UBL4B: variants seen among roughly 807,000 people sequenced by gnomAD.
UBL4B encodes ubiquitin-like protein 4B.
For synonymous variants in UBL4B, 94 were observed against 92.8 expected, an observed-to-expected ratio of 1.01 and a Z score of -0.08; for missense variants, 194 against 209.9, an observed-to-expected ratio of 0.92 and a Z score of 0.47.
Position 110,113,172 on chromosome 1 carries a change from T to C in UBL4B, c.*113T>C. On this transcript the variant is annotated 3_prime_UTR_variant, in exon 1 of 1. Coordinates refer to ENST00000334179, the MANE Select transcript of UBL4B (RefSeq NM_203412.2). ...GATGTGGATGCGTCCACACCCCTTT[T>C]TGAACCTTCCAAGCAGCTGGAGGGT... is the stretch of plus-strand genomic sequence containing the variant. 1.4e-6 allele frequency: 2 copies of C among 1,410,288 alleles called. No homozygotes were observed. The highest frequency in any genetic ancestry group is 1.9e-6 in the Non-Finnish European group (2 of 1,063,762). The allele number at this position is 1,410,288 out of a possible 1,614,324, so 87.4% of individuals were successfully genotyped here. A position where few individuals can be genotyped will look rare whatever the true frequency, so the allele number is the denominator to read the frequency against.
rs749098038 is a variant in UBL4B, at chr1:110,113,177, C to G, written c.*118C>G. ...GGATGCGTCCACACCCCTTTTTGAA[C>G]CTTCCAAGCAGCTGGAGGGTTTTTG... On this transcript the variant is annotated 3_prime_UTR_variant, in exon 1 of 1. Transcript: ENST00000334179. 3 of 1,396,894 alleles carry G rather than the reference C, an allele frequency of 2.1e-6. No homozygotes were observed. The highest frequency in any genetic ancestry group is 2.9e-6 in the Non-Finnish European group (3 of 1,052,490). 86.5% of individuals were successfully genotyped at this position (1,396,894 alleles called of 1,614,324 possible).
chr1:110,113,131 C>G lies in UBL4B; in HGVS notation c.*72C>G. On this transcript the variant is annotated 3_prime_UTR_variant, in exon 1 of 1. Transcript: ENST00000334179. Reference sequence around the variant, plus strand: ...CCTTACGTGTTCCCTGGTGACTTTTCCTACTACTTCCTGCTGATGTGGATG... The same window carrying G: ...CCTTACGTGTTCCCTGGTGACTTTTGCTACTACTTCCTGCTGATGTGGATG... 6.8e-7 allele frequency: 1 copy of G among 1,475,842 alleles called. No individual in the cohort carries two copies. 91.4% of individuals were successfully genotyped at this position (1,475,842 alleles called of 1,614,324 possible). A position where few individuals can be genotyped will look rare whatever the true frequency, so the allele number is the denominator to read the frequency against.
chr1:110,112,841 G>T lies in UBL4B; in HGVS notation c.307G>T (p.Glu103Ter), dbSNP rs1654827378. 6.2e-7 allele frequency: 1 copy of T among 1,613,616 alleles called. No individual in the cohort carries two copies. The highest frequency in any genetic ancestry group is 1.1e-5 in the South Asian group (1 of 91,082). The part of the protein sequence containing the change: ...QLGLVLAKHF[E>*]PQDAKAVLQL... ...GGGACTGGTCCTAGCTAAACACTTT[G>T]AACCACAGGATGCCAAGGCCGTGCT... The change falls in exon 1 of 1, where the codon GAA becomes TAA. Residue 103 changes from glutamate to a stop codon, truncating the protein, a stop_gained. Transcript: ENST00000334179. LOFTEE classifies it low-confidence loss of function (END_TRUNC).
In UBL4B at chr1:110,113,047, A is replaced by C. The variant is rs1243158636; in HGVS notation, c.513A>C (p.Ala171=). The C allele has an allele frequency of 6.3e-7, 1 of 1,577,260 alleles. No individual in the cohort carries two copies. Among genetic ancestry groups the C allele is most frequent in the Admixed American group, 1.9e-5 (1 of 53,240 alleles). The change falls in exon 1 of 1, where the codon GCA becomes GCC. Residue 171 remains alanine, a synonymous_variant. Coordinates refer to ENST00000334179, the MANE Select transcript of UBL4B (RefSeq NM_203412.2). ...SCDMEEKEEA[A]ADQ is the part of the protein sequence containing the mutation. ...ACATGGAGGAGAAGGAGGAGGCAGC[A>C]GCTGATCAGTAAACGGGCCATCCTA...
At position 110,113,031 on chromosome 1, in the gene UBL4B, A is replaced by G. The variant is rs1282627916; in HGVS notation, c.497A>G (p.Glu166Gly). ...ARPQSSCDME[E>G]KEEAAADQ ...CCTCAGAGCTCCTGTGACATGGAGG[A>G]GAAGGAGGAGGCAGCAGCTGATCAG... Residue 166 changes from glutamate (E) to glycine (G), a missense_variant, in exon 1 of 1, where the codon GAG becomes GGG. Transcript: ENST00000334179. The G allele has an allele frequency of 1.3e-6, 2 of 1,589,502 alleles. No homozygotes were observed. Among genetic ancestry groups the G allele is most frequent in the Admixed American group, 3.6e-5 (2 of 55,056 alleles).
At position 110,113,830 on chromosome 1, in the gene UBL4B, G is replaced by T. The variant is rs148862862; in HGVS notation, c.*771G>T. The T allele has an allele frequency of 6.0e-6, 1 of 167,110 alleles. No homozygotes were observed. Among genetic ancestry groups the T allele is most frequent in the African/African-American group, 2.4e-5 (1 of 41,464 alleles). 10.4% of individuals were successfully genotyped at this position (167,110 alleles called of 1,614,324 possible). On this transcript the variant is annotated 3_prime_UTR_variant, in exon 1 of 1. Coordinates refer to ENST00000334179, the MANE Select transcript of UBL4B (RefSeq NM_203412.2). ...CATTACCTGCCCAGCGCTGCCCAAG[G>T]CTCCCTGGAAGGAAAAATGGTATCT...
Position 110,113,101 on chromosome 1 carries a change from C to T in UBL4B, c.*42C>T, listed in dbSNP as rs1481072803. On this transcript the variant is annotated 3_prime_UTR_variant, in exon 1 of 1. Transcript: ENST00000334179. ...ATTTGCATGCTAAAATTCTCCCGGC[C>T]TCATCCTTACGTGTTCCCTGGTGAC... is the stretch of plus-strand genomic sequence containing the variant. 1 of 1,514,084 alleles carries T rather than the reference C, an allele frequency of 6.6e-7. No individual in the cohort carries two copies. Among genetic ancestry groups the T allele is most frequent in the Non-Finnish European group, 8.8e-7 (1 of 1,134,120 alleles). 93.8% of individuals were successfully genotyped at this position (1,514,084 alleles called of 1,614,324 possible). A position where few individuals can be genotyped will look rare whatever the true frequency, so the allele number is the denominator to read the frequency against.
chr1:110,112,620 T>C lies in UBL4B; in HGVS notation c.86T>C (p.Leu29Pro). The C allele has an allele frequency of 1.2e-6, 2 of 1,614,192 alleles. No homozygotes were observed. Among genetic ancestry groups the C allele is most frequent in the Non-Finnish European group, 1.7e-6 (2 of 1,180,038 alleles). Residue 29 changes from leucine (L) to proline (P), a missense_variant, in exon 1 of 1, where the codon CTG (leucine) becomes CCG (proline). Physicochemically the swap from Leu to Pro is moderately conservative, Grantham distance 98. Coordinates refer to ENST00000334179, the MANE Select transcript of UBL4B (RefSeq NM_203412.2). The stretch of plus-strand genomic sequence containing the variant: ...GAGAGTGTAGCCACGCTGAAGAGAC[T>C]GGTGTCCAGGCGGCTGAAGGTGCCT... ...GQESVATLKR[L>P]VSRRLKVPEE...
Position 110,112,853 on chromosome 1 carries a change from G to T in UBL4B, c.319G>T (p.Ala107Ser). The change falls in exon 1 of 1, where the codon GCC (alanine) becomes TCC (serine). Residue 107 changes from alanine to serine, a missense_variant. Physicochemically the swap from Ala to Ser is moderately conservative, Grantham distance 99. Coordinates refer to ENST00000334179, the MANE Select transcript of UBL4B (RefSeq NM_203412.2). ...VLAKHFEPQDAKAVLQLLRQE... is the reference protein window; with the variant it reads ...VLAKHFEPQDSKAVLQLLRQE... ...AGCTAAACACTTTGAACCACAGGAT[G>T]CCAAGGCCGTGCTGCAGCTGCTAAG... 1.2e-6 allele frequency: 2 copies of T among 1,613,704 alleles called. No individual in the cohort carries two copies. The highest frequency in any genetic ancestry group is 8.5e-7 in the Non-Finnish European group (1 of 1,180,030).
rs777459459 is a variant in UBL4B at position 110,113,111 on chromosome 1, C to T, written c.*52C>T. The T allele has an allele frequency of 9.3e-6, 14 of 1,502,540 alleles. No individual in the cohort carries two copies. The highest frequency in any genetic ancestry group is 4.2e-5 in the South Asian group (3 of 72,276). 93.1% of individuals were successfully genotyped at this position (1,502,540 alleles called of 1,614,324 possible). A position where few individuals can be genotyped will look rare whatever the true frequency, so the allele number is the denominator to read the frequency against. On this transcript the variant is annotated 3_prime_UTR_variant, in exon 1 of 1. Transcript: ENST00000334179. Reference sequence around the variant, plus strand: ...TAAAATTCTCCCGGCCTCATCCTTACGTGTTCCCTGGTGACTTTTCCTACT... The same window carrying T: ...TAAAATTCTCCCGGCCTCATCCTTATGTGTTCCCTGGTGACTTTTCCTACT...
Position 110,113,017 on chromosome 1 carries a change from C to T in UBL4B, c.483C>T (p.Ser161=). Residue 161 remains serine, a synonymous_variant, in exon 1 of 1, where the codon TCC becomes TCT. Coordinates refer to ENST00000334179, the MANE Select transcript of UBL4B (RefSeq NM_203412.2). ...AGGCGAAGGCACGGCCTCAGAGCTC[C>T]TGTGACATGGAGGAGAAGGAGGAGG... ...ELEAKARPQS[S]CDMEEKEEAA... is the part of the protein sequence containing the mutation. 6.3e-7 allele frequency: 1 copy of T among 1,599,912 alleles called. No homozygotes were observed. Among genetic ancestry groups the T allele is most frequent in the Non-Finnish European group, 8.5e-7 (1 of 1,174,658 alleles).
chr1:110,113,141 C>T lies in UBL4B; in HGVS notation c.*82C>T. 6.8e-7 allele frequency: 1 copy of T among 1,468,390 alleles called. No individual in the cohort carries two copies. The highest frequency in any genetic ancestry group is 9.0e-7 in the Non-Finnish European group (1 of 1,108,302). The allele number at this position is 1,468,390 out of a possible 1,614,324, so 91.0% of individuals were successfully genotyped here. ...TCCCTGGTGACTTTTCCTACTACTT[C>T]CTGCTGATGTGGATGCGTCCACACC... On this transcript the variant is annotated 3_prime_UTR_variant, in exon 1 of 1. Transcript: ENST00000334179.
rs766295409 is a variant in UBL4B, at chr1:110,112,533, C to T, written c.-2C>T. ...GGATCCCTCCTGATTCCACTCAGCCCGATGTTCCTCACAGTCAAGCTGCTC... is the reference window on the plus strand; with the variant it reads ...GGATCCCTCCTGATTCCACTCAGCCTGATGTTCCTCACAGTCAAGCTGCTC... On this transcript the variant is annotated 5_prime_UTR_variant, in exon 1 of 1. Transcript: ENST00000334179. 8.7e-6 allele frequency: 14 copies of T among 1,602,360 alleles called. No individual in the cohort carries two copies. Among genetic ancestry groups the T allele is most frequent in the African/African-American group, 6.7e-5 (5 of 74,714 alleles).
Position 110,113,443 on chromosome 1 carries a change from A to G in UBL4B, c.*384A>G, listed in dbSNP as rs2101819288. On this transcript the variant is annotated 3_prime_UTR_variant, in exon 1 of 1. Coordinates refer to ENST00000334179, the MANE Select transcript of UBL4B (RefSeq NM_203412.2). Reference sequence around the variant, plus strand: ...CCTCTTTCTCCTTCGGGACAGAAAGACAATGTGAGTTCATTTTCCTCCATC... The same window carrying G: ...CCTCTTTCTCCTTCGGGACAGAAAGGCAATGTGAGTTCATTTTCCTCCATC... 5.0e-6 allele frequency: 1 copy of G among 200,232 alleles called. No individual in the cohort carries two copies. The highest frequency in any genetic ancestry group is 1.6e-4 in the South Asian group (1 of 6,354). 12.4% of individuals were successfully genotyped at this position (200,232 alleles called of 1,614,324 possible).
rs753305223 is a variant in UBL4B at position 110,112,534 on chromosome 1, G to A, written c.-1G>A. On this transcript the variant is annotated 5_prime_UTR_variant, in exon 1 of 1. Coordinates refer to ENST00000334179, the MANE Select transcript of UBL4B (RefSeq NM_203412.2). The stretch of plus-strand genomic sequence containing the variant: ...GATCCCTCCTGATTCCACTCAGCCC[G>A]ATGTTCCTCACAGTCAAGCTGCTCC... 1.2e-5 allele frequency: 19 copies of A among 1,603,638 alleles called. No individual in the cohort carries two copies. The highest frequency in any genetic ancestry group is 8.9e-5 in the East Asian group (4 of 44,746).
chr1:110,112,884 A>T lies in UBL4B; in HGVS notation c.350A>T (p.Glu117Val). Residue 117 changes from glutamate to valine, a missense_variant, in exon 1 of 1, where the codon GAG (glutamate) becomes GTG (valine). Coordinates refer to ENST00000334179, the MANE Select transcript of UBL4B (RefSeq NM_203412.2). ...AKAVLQLLRQ[E>V]HEERLQKISL... is the part of the protein sequence containing the mutation. ...GCCGTGCTGCAGCTGCTAAGGCAGG[A>T]GCACGAGGAGCGCCTGCAGAAGATA... 1 of 1,613,324 alleles carries T rather than the reference A, an allele frequency of 6.2e-7. No homozygotes were observed. The highest frequency in any genetic ancestry group is 8.5e-7 in the Non-Finnish European group (1 of 1,179,940).
Position 110,112,494 on chromosome 1 carries a change from A to G in UBL4B, c.-41A>G. On this transcript the variant is annotated 5_prime_UTR_variant, in exon 1 of 1. Coordinates refer to ENST00000334179, the MANE Select transcript of UBL4B (RefSeq NM_203412.2). ...CGCAGGACCCCCTAATCTTCAGGGCAGCTCCCAGAGCATGGATCCCTCCTG... is the reference window on the plus strand; with the variant it reads ...CGCAGGACCCCCTAATCTTCAGGGCGGCTCCCAGAGCATGGATCCCTCCTG... 1 of 1,560,438 alleles carries G rather than the reference A, an allele frequency of 6.4e-7. No homozygotes were observed. The highest frequency in any genetic ancestry group is 8.7e-7 in the Non-Finnish European group (1 of 1,152,860).
At position 110,113,207 on chromosome 1, in the gene UBL4B, C is replaced by A; in HGVS notation, c.*148C>A. ...CAAGCAGCTGGAGGGTTTTTGGATC[C>A]CTGTCCCCTCTTGGGCCTGAGGTCC... On this transcript the variant is annotated 3_prime_UTR_variant, in exon 1 of 1. Coordinates refer to ENST00000334179, the MANE Select transcript of UBL4B (RefSeq NM_203412.2). 1 of 1,193,642 alleles carries A rather than the reference C, an allele frequency of 8.4e-7. No individual in the cohort carries two copies. The highest frequency in any genetic ancestry group is 1.2e-6 in the Non-Finnish European group (1 of 869,314). The allele number at this position is 1,193,642 out of a possible 1,614,324, so 73.9% of individuals were successfully genotyped here.
chr1:110,113,360 A>C lies in UBL4B; in HGVS notation c.*301A>C. The C allele has an allele frequency of 5.4e-6, 2 of 373,154 alleles. No homozygotes were observed. Among genetic ancestry groups the C allele is most frequent in the Non-Finnish European group, 1.0e-5 (2 of 199,804 alleles). 23.1% of individuals were successfully genotyped at this position (373,154 alleles called of 1,614,324 possible). A position where few individuals can be genotyped will look rare whatever the true frequency, so the allele number is the denominator to read the frequency against. The stretch of plus-strand genomic sequence containing the variant: ...CTGGCAGCTTTGCCCACACATACCC[A>C]GCAGCTCCCCAGGCTGAAAGCAGCC... On this transcript the variant is annotated 3_prime_UTR_variant, in exon 1 of 1. Transcript: ENST00000334179.
Sources: allele counts gnomAD v4.1 joint callset, GRCh38; gene constraint gnomAD v4.1.1; transcripts MANE v1.5; gene names NCBI Gene and HGNC (gene_info 2026-07-23, HGNC 2026-07-21).